METTL15: variants seen among roughly 807,000 people sequenced by gnomAD.
METTL15 encodes methyltransferase 15, mitochondrial 12S rRNA N4-cytidine.
A neutral mutation model predicts 38.3 loss-of-function variants in METTL15; 34 were observed. That is an observed-to-expected ratio of 0.89 (90% CI 0.68 to 1.18). The LOEUF (loss-of-function observed/expected upper bound fraction) is 1.18, where lower values mean the gene tolerates loss of function less well. Among genes scored for constraint, METTL15 ranks in the 50% most tolerant of loss-of-function variants. METTL15 has a pLI of 0.00. For missense variants in METTL15, 438 were observed against 498.4 expected, an observed-to-expected ratio of 0.88 and a Z score of 1.15; for synonymous variants, 162 against 170.9, an observed-to-expected ratio of 0.95 and a Z score of 0.41.
chr11:28,408,638 T>G (rs1028329217), intron 5 of METTL15, among the ~76,000 whole-genome samples: 1 of 152,292 alleles, frequency 6.6e-6, no homozygotes, highest in Middle Eastern at 3.4e-3. Flanking sequence ...GCTATCAAAA[T>G]CACATTTTTC....
At chr11:28,264,118 C>T (rs906643704) in intron 4 of METTL15, among the ~76,000 whole-genome samples, 16 of 152,054 alleles carry the variant, frequency 1.1e-4, no homozygotes, top group African/African-American at 3.4e-4. Flanking sequence ...CCATAATCCC[C>T]GTTCAAATCT....
intron 3 of METTL15, among the ~76,000 whole-genome samples, chr11:28,158,914 C>T (rs932669372): frequency 2.0e-5 from 3 of 152,176 alleles, no homozygotes; most frequent in African/African-American, 7.2e-5. Flanking sequence ...GCTGTGTGTG[C>T]TCTGAATCAG....
chr11:28,152,616 T>C (rs551236698), intron 3 of METTL15, among the ~76,000 whole-genome samples: 1 of 152,050 alleles, frequency 6.6e-6, no homozygotes, highest in East Asian at 1.9e-4. Flanking sequence ...TTAGTGTCCA[T>C]GAGGGATTGG....
chr11:28,208,999 G>C (rs2128957), intron 3 of METTL15, among the ~76,000 whole-genome samples: 151,506 of 152,082 alleles, frequency 1, 75,472 homozygotes, highest in Middle Eastern at 1. Flanking sequence ...CCACTTTTTG[G>C]TTTCTGTGTT....
chr11:28,234,090 T>C (rs1279308657), intron 4 of METTL15, among the ~76,000 whole-genome samples: 1 of 152,076 alleles, frequency 6.6e-6, no homozygotes, highest in African/African-American at 2.4e-5. Context: ...TTACTGAGAA[T>C]GATAATTTCC....
intron 5 of METTL15, among the ~76,000 whole-genome samples, chr11:28,368,152 C>CAAAAA (rs572862749): frequency 9.2e-6 from 1 of 108,708 alleles, no homozygotes; most frequent in African/African-American, 3.4e-5. Flanking sequence ...ACAAAAAAAA[C>CAAAAA]AAAAAAAAAA....
At chr11:28,238,332 G>T (rs978348595) in intron 4 of METTL15, among the ~76,000 whole-genome samples, 1 of 152,182 alleles carries the variant, frequency 6.6e-6, no homozygotes, top group African/African-American at 2.4e-5. Flanking sequence ...CCCCCAGCCT[G>T]GCTGCCGCCT....
At chr11:28,392,252 A>T (rs1472285808) in intron 5 of METTL15, among the ~76,000 whole-genome samples, 1 of 152,080 alleles carries the variant, frequency 6.6e-6, no homozygotes, top group Non-Finnish European at 1.5e-5. Flanking sequence ...TATAAAATTC[A>T]TATGGAATCA....
At chr11:28,172,207 A>C (rs1850885543) in intron 3 of METTL15, among the ~76,000 whole-genome samples, 1 of 152,124 alleles carries the variant, frequency 6.6e-6, no homozygotes, top group African/African-American at 2.4e-5. Context: ...TGGCTTCACA[A>C]ATTTTAGCAC....
chr11:28,503,581 A>G (rs908252736), intron 6 of METTL15, among the ~76,000 whole-genome samples: 25 of 151,736 alleles, frequency 1.6e-4, no homozygotes, highest in African/African-American at 5.1e-4. Flanking sequence ...TCATGAAGTC[A>G]GGAGTTTGAG....
chr11:28,297,152 C>A (rs1391093319), intron 6 of METTL15, among the ~76,000 whole-genome samples: 1 of 151,822 alleles, frequency 6.6e-6, no homozygotes, highest in Admixed American at 6.6e-5. Flanking sequence ...AAAACCTCTC[C>A]CCCAAATACA....
chr11:28,258,601 C>T (rs1043566784), intron 4 of METTL15, among the ~76,000 whole-genome samples: 1 of 152,114 alleles, frequency 6.6e-6, no homozygotes, highest in Non-Finnish European at 1.5e-5. Flanking sequence ...CACAGTCGTT[C>T]CTACTATTTT....
intron 3 of METTL15, among the ~76,000 whole-genome samples, chr11:28,174,056 T>C (rs1417124815): frequency 6.6e-6 from 1 of 152,232 alleles, no homozygotes; most frequent in Admixed American, 6.5e-5. Context: ...CCTTTTGCCA[T>C]GCTGTACTCT....
At chr11:28,143,492 C>T (rs1849769760) in intron 3 of METTL15, among the ~76,000 whole-genome samples, 1 of 152,114 alleles carries the variant, frequency 6.6e-6, no homozygotes, top group Admixed American at 6.6e-5. Context: ...AGCTACCCCT[C>T]TACTCTCATC....
chr11:28,163,245 G>T, intron 3 of METTL15: 4 of 395,594 alleles, frequency 1.0e-5, no homozygotes, highest in Non-Finnish European at 1.3e-5. Context: ...TGGGTGTTTT[G>T]ATGATTAATT....
chr11:28,402,254 T>C (rs374609098), intron 5 of METTL15, among the ~76,000 whole-genome samples: 1 of 152,066 alleles, frequency 6.6e-6, no homozygotes, highest in African/African-American at 2.4e-5. Context: ...GCCTCCTAAA[T>C]ACTCTCCAGT....
chr11:28,367,898 GA>G (rs1850202196), intron 5 of METTL15, among the ~76,000 whole-genome samples: 1 of 152,022 alleles, frequency 6.6e-6, no homozygotes, highest in African/African-American at 2.4e-5. Context: ...GCCATATGCA[GA>G]AAACTGAAAC....
chr11:28,303,028 T>A (rs1347328536), intron 6 of METTL15, among the ~76,000 whole-genome samples: 1 of 152,182 alleles, frequency 6.6e-6, no homozygotes. Flanking sequence ...TTTTGCATAG[T>A]CTTAAAAATG....
chr11:28,148,076 A>T (rs1849950706), intron 3 of METTL15, among the ~76,000 whole-genome samples: 1 of 151,890 alleles, frequency 6.6e-6, no homozygotes. Context: ...GATTGGCCAG[A>T]ACCACATTAC....
Sources: allele counts gnomAD v4.1 joint callset (sites outside exome capture counted in the v4.1 genomes callset), GRCh38; gene constraint gnomAD v4.1.1; transcripts MANE v1.5; gene names NCBI Gene and HGNC (gene_info 2026-07-23, HGNC 2026-07-21).